The following PLAAT4 variants were observed in gnomAD, a reference collection of about 807,000 sequenced individuals.
PLAAT4 encodes the protein HRAS-like suppressor 4.
A neutral mutation model predicts 14.1 loss-of-function variants in PLAAT4; 12 were observed. That is an observed-to-expected ratio of 0.85 (90% CI 0.54 to 1.37). The LOEUF (loss-of-function observed/expected upper bound fraction) is 1.37, where lower values mean the gene tolerates loss of function less well. PLAAT4 is among the 40% of genes most tolerant of loss of function. The pLI is 0.00. For synonymous variants in PLAAT4, 77 were observed against 79.8 expected (o/e 0.96, Z 0.19); for missense variants, 163 against 211.7 (o/e 0.77, Z 1.43).
Position 63,546,199 on chromosome 11 carries a change from G to A in PLAAT4, c.438G>A (p.Leu146=), listed in dbSNP as rs751545156. The A allele has an allele frequency of 6.2e-7, 1 of 1,614,020 alleles. No homozygotes were observed. The highest frequency in any genetic ancestry group is 8.5e-7 in the Non-Finnish European group (1 of 1,180,022). Residue 146 remains leucine, a synonymous_variant, in exon 4 of 4, where the codon CTG becomes CTA. Transcript: ENST00000255688. The stretch of plus-strand genomic sequence containing the variant: ...GTGTGGCCACGGCGCTTGGAATCCT[G>A]GTTGTTGCTGGATGCTCTTTTGCGA... The part of the protein sequence containing the change: ...EVGVATALGI[L]VVAGCSFAIR...
At position 63,545,016 on chromosome 11, in the gene PLAAT4, A is replaced by C. The variant is rs751983878; in HGVS notation, c.387+127A>C. On this transcript the variant is annotated intron_variant, in intron 3 of 3. Transcript: ENST00000255688. ...AGAGACCTGCTGGCTGAGAGTCAGG[A>C]CCTCTGAGCTCCAATGCCAGATCTG... 9 of 1,328,880 alleles carry C rather than the reference A, an allele frequency of 6.8e-6. No homozygotes were observed. In the African/African-American group the frequency reaches 7.2e-5, roughly 11 times the overall value. The allele number at this position is 1,328,880 out of a possible 1,614,324, so 82.3% of individuals were successfully genotyped here. A position where few individuals can be genotyped will look rare whatever the true frequency, so the allele number is the denominator to read the frequency against.
intron 2 of PLAAT4, among the ~76,000 whole-genome samples, chr11:63,541,317 G>A (rs1486716880): frequency 2.0e-5 from 3 of 151,226 alleles, no homozygotes; most frequent in Non-Finnish European, 2.9e-5. Flanking sequence ...TCAGCCTCCC[G>A]AATAGCTGAG....
At position 63,544,751 on chromosome 11, in the gene PLAAT4, G is replaced by C; in HGVS notation, c.249G>C (p.Glu83Asp). 1 of 1,614,216 alleles carries C rather than the reference G, an allele frequency of 6.2e-7. No homozygotes were observed. The highest frequency in any genetic ancestry group is 2.2e-5 in the East Asian group (1 of 44,876). ...CYRVNNSLDH[E>D]YQPRPVEVII... The stretch of plus-strand genomic sequence containing the variant: ...GGGTCAACAACAGCTTGGACCATGA[G>C]TACCAACCACGGCCCGTGGAGGTGA... The change falls in exon 3 of 4, where the codon GAG becomes GAC. Residue 83 changes from glutamate (E) to aspartate (D), a missense_variant. Transcript: ENST00000255688.
intron 2 of PLAAT4, among the ~76,000 whole-genome samples, chr11:63,540,310 T>C (rs1454667947): frequency 6.6e-6 from 1 of 152,254 alleles, no homozygotes; most frequent in Non-Finnish European, 1.5e-5. Flanking sequence ...TTGCCTCATA[T>C]GTTTTCACAC....
At chr11:63,538,441 C>A in intron 1 of PLAAT4, 1 of 344,500 alleles carries the variant, frequency 2.9e-6, no homozygotes. Flanking sequence ...TTGACAAGCA[C>A]ACCAACAAGG....
Position 63,546,135 on chromosome 11 carries a change from T to C in PLAAT4, c.388-14T>C, listed in dbSNP as rs2017363654. On this transcript the variant is annotated splice_polypyrimidine_tract_variant and intron_variant, in intron 3 of 3. Coordinates refer to ENST00000255688, the MANE Select transcript of PLAAT4 (RefSeq NM_004585.5). ...CTTGCCGTGAACGCTCAACAAAAGC[T>C]GCTTGCTTTGCAGGTGGAAAAGGCC... The C allele has an allele frequency of 1.9e-6, 3 of 1,609,716 alleles. No homozygotes were observed. The highest frequency in any genetic ancestry group is 2.6e-6 in the Non-Finnish European group (3 of 1,176,226).
At chr11:63,537,298 G>C (rs1028698239) in intron 1 of PLAAT4, among the ~76,000 whole-genome samples, 2 of 152,144 alleles carry the variant, frequency 1.3e-5, no homozygotes, top group Non-Finnish European at 2.9e-5. Context: ...CTCTCTCCTC[G>C]TTCCTCTGTG....
chr11:63,542,730 C>G (rs1263671931), intron 2 of PLAAT4, among the ~76,000 whole-genome samples: 3 of 152,168 alleles, frequency 2.0e-5, no homozygotes, highest in Non-Finnish European at 4.4e-5. Flanking sequence ...ATTCCTTCTC[C>G]TTGAATTTCA....
chr11:63,542,285 C>G (rs2017327515), intron 2 of PLAAT4, among the ~76,000 whole-genome samples: 1 of 152,036 alleles, frequency 6.6e-6, no homozygotes, highest in African/African-American at 2.4e-5. Context: ...TGGCCCTAGA[C>G]TAATATATTT....
At chr11:63,544,494 G>T in intron 2 of PLAAT4, 127 bp from the exon 3 acceptor site, 1 of 1,242,250 alleles carries the variant, frequency 8.0e-7, no homozygotes, top group Non-Finnish European at 1.1e-6. Context: ...AAAAAAAAAA[G>T]CAAAATCTGT....
rs892313813 is a variant in PLAAT4, at chr11:63,546,264, A to G, written c.*8A>G. The G allele has an allele frequency of 5.0e-6, 8 of 1,613,454 alleles. No homozygotes were observed. The African/African-American group carries it at 6.7e-5, about 13-fold the overall frequency. ...AAAAAAGCGACAGCCTGAAGCAGCC[A>G]CAAAATCCTGTGTTAGAAGCAGCTG... is the stretch of plus-strand genomic sequence containing the variant. On this transcript the variant is annotated 3_prime_UTR_variant, in exon 4 of 4. Transcript: ENST00000255688.
chr11:63,545,874 C>A (rs771919450), intron 3 of PLAAT4, among the ~76,000 whole-genome samples: 1 of 152,144 alleles, frequency 6.6e-6, no homozygotes, highest in Non-Finnish European at 1.5e-5. Flanking sequence ...GAAGCTCTCT[C>A]AAAAGGACCT....
chr11:63,540,430 T>C (rs1163849351), intron 2 of PLAAT4, among the ~76,000 whole-genome samples: 1 of 152,220 alleles, frequency 6.6e-6, no homozygotes, highest in Non-Finnish European at 1.5e-5. Context: ...GCAATACCAA[T>C]GTTTTATTTA....
intron 2 of PLAAT4, 156 bp from the exon 3 acceptor site, chr11:63,544,465 G>A: frequency 2.1e-6 from 2 of 936,018 alleles, no homozygotes; most frequent in Non-Finnish European, 3.2e-6. Context: ...GGGCAACAGA[G>A]TGAGACTCCA....
intron 1 of PLAAT4, among the ~76,000 whole-genome samples, chr11:63,537,339 A>G (rs2134354737): frequency 6.6e-6 from 1 of 152,104 alleles, no homozygotes; most frequent in East Asian, 1.9e-4. Flanking sequence ...GTGCATTCTA[A>G]TCTCAGCAGC....
Position 63,546,388 on chromosome 11 carries a change from C to G in PLAAT4, c.*132C>G. On this transcript the variant is annotated 3_prime_UTR_variant, in exon 4 of 4. Transcript: ENST00000255688. The stretch of plus-strand genomic sequence containing the variant: ...TCTAGATCCTTTCCTCTGTTTCCCT[C>G]TCTCGCTGGCAAAAGTATGATCTAA... The G allele has an allele frequency of 1.3e-6, 1 of 750,184 alleles. No individual in the cohort carries two copies. Among genetic ancestry groups the G allele is most frequent in the Non-Finnish European group, 2.3e-6 (1 of 442,288 alleles). The allele number at this position is 750,184 out of a possible 1,614,324, so 46.5% of individuals were successfully genotyped here. A position where few individuals can be genotyped will look rare whatever the true frequency, so the allele number is the denominator to read the frequency against.
intron 1 of PLAAT4, chr11:63,538,355 C>T: frequency 2.7e-6 from 1 of 372,694 alleles, no homozygotes; most frequent in African/African-American, 2.2e-5. Flanking sequence ...GGACAGGAGG[C>T]AGGGGCTGGT....
intron 2 of PLAAT4, among the ~76,000 whole-genome samples, chr11:63,540,633 C>T (rs1347131290): frequency 6.6e-6 from 1 of 152,150 alleles, no homozygotes; most frequent in Non-Finnish European, 1.5e-5. Flanking sequence ...CAAGACGAGC[C>T]TGGCCAACAT....
In PLAAT4 at chr11:63,536,833, A is replaced by G. The variant is rs1328907673; in HGVS notation, c.-36A>G. The G allele has an allele frequency of 2.5e-6, 4 of 1,603,240 alleles. No individual in the cohort carries two copies. The highest frequency in any genetic ancestry group is 1.3e-5 in the African/African-American group (1 of 74,138). On this transcript the variant is annotated 5_prime_UTR_variant, in exon 1 of 4. Coordinates refer to ENST00000255688, the MANE Select transcript of PLAAT4 (RefSeq NM_004585.5). ...CCTTCAGCATAAAAGCTGATCCACA[A>G]ACAAGAGGAGCACCAGACCTCCTCT...
Sources: allele counts gnomAD v4.1 joint callset (sites outside exome capture counted in the v4.1 genomes callset), GRCh38; gene constraint gnomAD v4.1.1; transcripts MANE v1.5; gene names NCBI Gene and HGNC (gene_info 2026-07-23, HGNC 2026-07-21).